Variants in ACER3 observed in about 807,000 individuals in gnomAD.
ACER3 encodes the protein alkCDase 3.
ACER3 carries 16 observed loss-of-function variants against 48.9 expected under a neutral mutation model. The observed-to-expected ratio is 0.33, with a 90% CI of 0.22 to 0.50. The LOEUF (loss-of-function observed/expected upper bound fraction) is 0.50. Among genes scored for constraint, ACER3 ranks in the 20% least tolerant of loss-of-function variants. ACER3 has a pLI of 0.98. For synonymous variants in ACER3, 109 were observed against 107.8 expected, an observed-to-expected ratio of 1.01 and a Z score of -0.07; for missense variants, 227 against 326.0, an observed-to-expected ratio of 0.70 and a Z score of 2.34.
At chr11:76,868,594 TCTGA>T (rs1308141373) in intron 1 of ACER3, among the ~76,000 whole-genome samples, 4 of 152,176 alleles carry the variant, frequency 2.6e-5, no homozygotes, top group Non-Finnish European at 5.9e-5. Context: ...AGGACTCTAA[TCTGA>T]CTGTGGGTCA....
chr11:76,894,487 C>A (rs1945882864), intron 1 of ACER3, among the ~76,000 whole-genome samples: 1 of 152,122 alleles, frequency 6.6e-6, no homozygotes, highest in South Asian at 2.1e-4. Context: ...AGGTTTTAAT[C>A]CATTTCTGCC....
rs1555020875 is a variant in ACER3 at position 77,005,980 on chromosome 11, T to TATATTATATATATATAC, written c.497+7163_497+7164insTATATATATATACATAT. On this transcript the variant is annotated intron_variant, in intron 7 of 10. Transcript: ENST00000532485. ...TATATTATATATATATACATATATA[T>TATATTATATATATATAC]ATATATATATATTTTTTTTTTTTTT... Among the ~76,000 whole-genome samples the TATATTATATATATATAC allele has an allele frequency of 1.4e-3, 56 of 39,720 alleles. 1 individual carries two copies. Among genetic ancestry groups the TATATTATATATATATAC allele is most frequent in the South Asian group, 4.5e-3 (3 of 662 alleles). 26.1% of individuals were successfully genotyped at this position (39,720 alleles called of 152,430 possible). A position where few individuals can be genotyped will look rare whatever the true frequency, so the allele number is the denominator to read the frequency against.
At chr11:77,003,516 T>C (rs1194015617) in intron 7 of ACER3, among the ~76,000 whole-genome samples, 2 of 152,182 alleles carry the variant, frequency 1.3e-5, no homozygotes, top group Non-Finnish European at 2.9e-5. Flanking sequence ...AACCAGACTT[T>C]TGTTTGATTT....
At chr11:76,954,591 GT>G (rs35706097) in intron 2 of ACER3, among the ~76,000 whole-genome samples, 82,950 of 143,512 alleles carry the variant, frequency 0.58, 26,518 homozygotes, top group Non-Finnish European at 0.73. Flanking sequence ...GGTTTGGTTG[GT>G]TTTTTTTTTT....
At chr11:76,866,101 T>C (rs1945083601) in intron 1 of ACER3, among the ~76,000 whole-genome samples, 1 of 151,738 alleles carries the variant, frequency 6.6e-6, no homozygotes, top group Non-Finnish European at 1.5e-5. Context: ...GCTGGAATTA[T>C]AGGTGTGAGC....
In ACER3 at chr11:76,945,019, G is replaced by T. The variant is rs115205319; in HGVS notation, c.215-13960G>T. 9.0e-3 allele frequency among the ~76,000 whole-genome samples: 1,310 copies of T among 145,914 alleles called. 23 individuals carry two copies. The highest frequency in any genetic ancestry group is 0.032 in the African/African-American group (1,261 of 39,534). ...TTATTGAAGCTTTTAAATGTATTTT[G>T]TTGTTTTTTTTTCAATGGATTTTTC... On this transcript the variant is annotated intron_variant, in intron 2 of 10. Coordinates refer to ENST00000532485, the MANE Select transcript of ACER3 (RefSeq NM_018367.7).
intron 2 of ACER3, among the ~76,000 whole-genome samples, chr11:76,930,673 C>T (rs1297144467): frequency 6.6e-6 from 1 of 152,030 alleles, no homozygotes; most frequent in Non-Finnish European, 1.5e-5. Flanking sequence ...TGTCTTTGTT[C>T]TCATTGGTTT....
intron 1 of ACER3, among the ~76,000 whole-genome samples, chr11:76,902,322 A>G (rs1300406657): frequency 6.6e-6 from 1 of 152,188 alleles, no homozygotes; most frequent in Non-Finnish European, 1.5e-5. Context: ...TTCTCGAATC[A>G]CATGAGAATC....
intron 1 of ACER3, among the ~76,000 whole-genome samples, chr11:76,882,086 G>A (rs1466282696): frequency 6.8e-6 from 1 of 147,796 alleles, no homozygotes; most frequent in Non-Finnish European, 1.5e-5. Context: ...CTCACTGCAA[G>A]CTCCACCTCC....
At chr11:76,905,132 A>G (rs7949041) in intron 1 of ACER3, among the ~76,000 whole-genome samples, 88,958 of 152,042 alleles carry the variant, frequency 0.59, 28,624 homozygotes, top group Non-Finnish European at 0.74. Flanking sequence ...GTTTACAAGC[A>G]TGAGCCACCA....
Position 76,994,355 on chromosome 11 carries a change from C to T in ACER3, c.438+3781C>T, listed in dbSNP as rs1455122099. On this transcript the variant is annotated intron_variant, in intron 6 of 10. Transcript: ENST00000532485. ...ATGTTGGCCAGGCTGGTCTTGAATT[C>T]CTGGCCTCAAGTGATCTGCCCGCCT... The T allele has an allele frequency of 8.4e-6, 3 of 356,454 alleles. No homozygotes were observed. The Admixed American group carries it at 1.1e-4, about 13-fold the overall frequency. The allele number at this position is 356,454 out of a possible 1,614,324, so 22.1% of individuals were successfully genotyped here.
intron 3 of ACER3, among the ~76,000 whole-genome samples, chr11:76,969,271 T>C (rs1451764146): frequency 3.3e-5 from 5 of 152,076 alleles, no homozygotes; most frequent in African/African-American, 4.8e-5. Context: ...GTTAGAATGG[T>C]GATCATTAAA....
intron 7 of ACER3, among the ~76,000 whole-genome samples, chr11:77,001,483 C>A (rs768923223): frequency 1.3e-5 from 2 of 152,270 alleles, no homozygotes; most frequent in Admixed American, 1.3e-4. Context: ...GTTTCAAACT[C>A]CTGACCATGT....
chr11:76,892,575 A>G (rs1169799001), intron 1 of ACER3, among the ~76,000 whole-genome samples: 2 of 152,166 alleles, frequency 1.3e-5, no homozygotes, highest in African/African-American at 2.4e-5. Flanking sequence ...GACCTTTAAA[A>G]GCTGACACTC....
intron 9 of ACER3, among the ~76,000 whole-genome samples, chr11:77,018,015 T>A (rs139411485): frequency 7.1e-6 from 1 of 140,772 alleles, no homozygotes; most frequent in Non-Finnish European, 1.5e-5. Context: ...CTTGGCTCAC[T>A]GCAACCTCCA....
At chr11:76,962,218 T>TTG (rs1948014060) in intron 3 of ACER3, among the ~76,000 whole-genome samples, 1 of 139,114 alleles carries the variant, frequency 7.2e-6, no homozygotes, top group Non-Finnish European at 1.5e-5. Context: ...CCCAGCTAAT[T>TTG]TTTTTTTTTT....
intron 1 of ACER3, among the ~76,000 whole-genome samples, chr11:76,917,361 A>G (rs1946560457): frequency 6.6e-6 from 1 of 152,194 alleles, no homozygotes; most frequent in Admixed American, 6.5e-5. Context: ...ATAATGTGAA[A>G]AAACTAATTT....
intron 2 of ACER3, among the ~76,000 whole-genome samples, chr11:76,942,153 T>C (rs917611069): frequency 6.6e-6 from 1 of 152,068 alleles, no homozygotes; most frequent in African/African-American, 2.4e-5. Flanking sequence ...TTTGGATGTC[T>C]TTTATTTTTT....
chr11:76,929,353 G>C (rs528069860), intron 2 of ACER3, among the ~76,000 whole-genome samples: 26 of 152,322 alleles, frequency 1.7e-4, no homozygotes, highest in Non-Finnish European at 3.1e-4. Context: ...AGCTTAAGGA[G>C]ATTTTGGGCT....
Sources: gnomAD v4.1 joint callset for allele counts (sites outside exome capture counted in the v4.1 genomes callset) on GRCh38, gnomAD v4.1.1 for gene constraint, MANE v1.5 for transcripts, NCBI Gene and HGNC (gene_info 2026-07-23, HGNC 2026-07-21) for gene names.